The following GALNT17 variants were observed in gnomAD, a reference collection of about 807,000 sequenced individuals.
GALNT17 encodes the protein UDP-GalNAc:polypeptide N-acetylgalactosaminyltransferase-like 3.
Under a neutral mutation model 63.7 loss-of-function variants are expected in GALNT17, and 29 were observed. That is an observed-to-expected ratio of 0.46 (90% CI 0.34 to 0.62). GALNT17 has a LOEUF of 0.62. Among genes scored for constraint, GALNT17 ranks in the 20% least tolerant of loss-of-function variants. GALNT17 has a pLI of 0.01. For synonymous variants in GALNT17, 305 were observed against 318.3 expected (o/e 0.96, Z 0.45); for missense variants, 603 against 799.6 (o/e 0.75, Z 2.97).
chr7:71,548,382 G>T (rs187432569), intron 5 of GALNT17, among the ~76,000 whole-genome samples: 1 of 152,184 alleles, frequency 6.6e-6, no homozygotes, highest in Non-Finnish European at 1.5e-5. Flanking sequence ...TTGCCCATGG[G>T]TTACAGGGGT....
chr7:71,598,006 G>A (rs544674261), intron 6 of GALNT17, among the ~76,000 whole-genome samples: 7 of 151,616 alleles, frequency 4.6e-5, no homozygotes, highest in Middle Eastern at 3.4e-3. Flanking sequence ...GTGCAGTGGC[G>A]CAGTCTCGGC....
chr7:71,214,220 T>C (rs1298906537), intron 1 of GALNT17, among the ~76,000 whole-genome samples: 2 of 152,230 alleles, frequency 1.3e-5, no homozygotes, highest in Non-Finnish European at 2.9e-5. Context: ...TATGAATAGT[T>C]CCTTCAGGTG....
At chr7:71,700,206 G>T (rs937225302) in intron 9 of GALNT17, among the ~76,000 whole-genome samples, 1 of 151,898 alleles carries the variant, frequency 6.6e-6, no homozygotes, top group African/African-American at 2.4e-5. Context: ...TACTCAGGAG[G>T]CTAAGGCCCA....
At chr7:71,486,542 G>A (rs182131781) in intron 5 of GALNT17, among the ~76,000 whole-genome samples, 24 of 151,724 alleles carry the variant, frequency 1.6e-4, no homozygotes, top group Admixed American at 9.9e-4. Context: ...CTGTAGGGGC[G>A]CTGTGACACA....
chr7:71,438,617 T>A (rs1037482966), intron 5 of GALNT17, among the ~76,000 whole-genome samples: 3 of 152,180 alleles, frequency 2.0e-5, no homozygotes, highest in Non-Finnish European at 4.4e-5. Context: ...GTTGTGAAGA[T>A]TAAATGAGAT....
At chr7:71,698,821 G>A (rs953183446) in intron 9 of GALNT17, among the ~76,000 whole-genome samples, 2 of 152,128 alleles carry the variant, frequency 1.3e-5, no homozygotes. Context: ...GACAGAGATT[G>A]CCACCTTAAA....
At position 71,665,343 on chromosome 7, in the gene GALNT17, G is replaced by A. The variant is rs1258614650; in HGVS notation, c.1081-68G>A. On this transcript the variant is annotated intron_variant, in intron 6 of 10. Transcript: ENST00000333538. ...CAAAGTCAGCTGAACCATTGCTTTTGGGCTTGGGGAGGGGGCATAGCCTCT... is the reference window on the plus strand; with the variant it reads ...CAAAGTCAGCTGAACCATTGCTTTTAGGCTTGGGGAGGGGGCATAGCCTCT... 1.5e-5 allele frequency: 22 copies of A among 1,491,610 alleles called. No individual in the cohort carries two copies. The East Asian group carries it at 5.0e-4, about 34-fold the overall frequency. 92.4% of individuals were successfully genotyped at this position (1,491,610 alleles called of 1,614,324 possible).
intron 5 of GALNT17, among the ~76,000 whole-genome samples, chr7:71,559,877 C>A (rs1789223870): frequency 7.1e-6 from 1 of 141,596 alleles, no homozygotes; most frequent in African/African-American, 2.7e-5. Flanking sequence ...TAAAAAGAAA[C>A]ACATTTTCAA....
rs1369495128 is a variant in GALNT17 at position 71,592,523 on chromosome 7, A to G, written c.1080+21121A>G. Among the ~76,000 whole-genome samples the G allele has an allele frequency of 1.8e-4, 16 of 88,838 alleles. 1 individual carries two copies. Among genetic ancestry groups the G allele is most frequent in the African/African-American group, 6.1e-4 (15 of 24,426 alleles). The allele number at this position is 88,838 out of a possible 152,430, so 58.3% of individuals were successfully genotyped here. On this transcript the variant is annotated intron_variant, in intron 6 of 10. Transcript: ENST00000333538. The stretch of plus-strand genomic sequence containing the variant: ...AAATAAAATAAAATAAAATAAAATA[A>G]AATAAAATAAAATAAAATAAAATAG...
At chr7:71,384,100 G>A (rs983030832) in intron 2 of GALNT17, among the ~76,000 whole-genome samples, 1 of 152,030 alleles carries the variant, frequency 6.6e-6, no homozygotes, top group Admixed American at 6.6e-5. Context: ...TTCAACACTT[G>A]TTATTTTCAG....
chr7:71,705,965 C>T (rs992353949), intron 9 of GALNT17, among the ~76,000 whole-genome samples: 7 of 152,136 alleles, frequency 4.6e-5, no homozygotes, highest in Admixed American at 4.6e-4. Context: ...GTGGACAATA[C>T]CCCAAAGGCT....
At chr7:71,535,629 T>G (rs6460664) in intron 5 of GALNT17, among the ~76,000 whole-genome samples, 64,309 of 151,998 alleles carry the variant, frequency 0.42, 14,617 homozygotes, top group African/African-American at 0.6. Flanking sequence ...ATAAGTCAAC[T>G]CACAATGTGA....
In GALNT17 at chr7:71,228,162, G is replaced by A. The variant is rs1381283082; in HGVS notation, c.238+95122G>A. Among the ~76,000 whole-genome samples the A allele has an allele frequency of 4.6e-5, 7 of 151,998 alleles. 1 individual carries two copies. ...TGTGTTGGAGGCCAGGGTGGGAAGG[G>A]GCCCACACACAGCCCAGCTGTCTCT... On this transcript the variant is annotated intron_variant, in intron 1 of 10. Coordinates refer to ENST00000333538, the MANE Select transcript of GALNT17 (RefSeq NM_022479.3).
chr7:71,241,850 C>T (rs553562524), intron 1 of GALNT17, among the ~76,000 whole-genome samples: 1 of 152,248 alleles, frequency 6.6e-6, no homozygotes. Context: ...GATCACGCCC[C>T]TGCACCCCTG....
intron 5 of GALNT17, among the ~76,000 whole-genome samples, chr7:71,466,617 A>G (rs1283349133): frequency 6.6e-6 from 1 of 152,020 alleles, no homozygotes; most frequent in Non-Finnish European, 1.5e-5. Context: ...CCAAAGAGAG[A>G]TATTTACCAT....
intron 2 of GALNT17, among the ~76,000 whole-genome samples, chr7:71,380,037 C>T (rs956965449): frequency 2.0e-5 from 3 of 152,054 alleles, no homozygotes; most frequent in East Asian, 3.9e-4. Flanking sequence ...GTCCAGGATC[C>T]GAGAGGAAAT....
At chr7:71,445,179 C>CTTTCT (rs1554373394) in intron 5 of GALNT17, among the ~76,000 whole-genome samples, 5 of 130,428 alleles carry the variant, frequency 3.8e-5, no homozygotes, top group African/African-American at 1.4e-4. Context: ...TTCTTTCTTT[C>CTTTCT]TTTTTTTTTT....
intron 1 of GALNT17, among the ~76,000 whole-genome samples, chr7:71,306,087 G>A (rs1791287490): frequency 6.6e-6 from 1 of 152,114 alleles, no homozygotes; most frequent in Non-Finnish European, 1.5e-5. Flanking sequence ...GGGTGTGGTG[G>A]TGCGTGGCTG....
At chr7:71,312,710 T>C (rs565471616) in intron 1 of GALNT17, among the ~76,000 whole-genome samples, 1 of 152,310 alleles carries the variant, frequency 6.6e-6, no homozygotes, top group East Asian at 1.9e-4. Context: ...TTAATGAGCC[T>C]CATTTTAACA....
Sources: gnomAD v4.1 joint callset for allele counts (sites outside exome capture counted in the v4.1 genomes callset) on GRCh38, gnomAD v4.1.1 for gene constraint, MANE v1.5 for transcripts, NCBI Gene and HGNC (gene_info 2026-07-23, HGNC 2026-07-21) for gene names.